The following ST8SIA5 variants were observed in gnomAD, a reference collection of about 807,000 sequenced individuals.
ST8SIA5 encodes the protein alpha-2,8-sialyltransferase 8E.
ST8SIA5 carries 24 observed loss-of-function variants against 40.2 expected under a neutral mutation model. That is an observed-to-expected ratio of 0.60 (90% CI 0.43 to 0.84). ST8SIA5 has a LOEUF of 0.84. Ranked by LOEUF, ST8SIA5 falls within the 40% of genes least tolerant of loss-of-function variation. The probability of loss-of-function intolerance (pLI) is 0.00; values close to 1 mark genes in which losing one functional copy is unlikely to be tolerated. For missense variants in ST8SIA5, 465 were observed against 498.5 expected (o/e 0.93, Z 0.64); for synonymous variants, 198 against 201.8 (o/e 0.98, Z 0.16).
rs550416709 is a variant in ST8SIA5 at position 46,686,081 on chromosome 18, C to T, written c.569+93G>A. 13 of 1,230,592 alleles carry T rather than the reference C, an allele frequency of 1.1e-5. 1 individual carries two copies. In the East Asian group the frequency reaches 1.4e-4, roughly 13 times the overall value. The allele number at this position is 1,230,592 out of a possible 1,614,324, so 76.2% of individuals were successfully genotyped here. Reference sequence around the variant, plus strand: ...CTGCAGGGGTGGGAAGTGGGGATTACTTGCTTAAAGGGTAGCATTAGGGAA... The same window carrying T: ...CTGCAGGGGTGGGAAGTGGGGATTATTTGCTTAAAGGGTAGCATTAGGGAA... On this transcript the variant is annotated intron_variant, in intron 5 of 6. Transcript: ENST00000315087.
intron 1 of ST8SIA5, among the ~76,000 whole-genome samples, chr18:46,713,112 G>C (rs1330296405): frequency 6.6e-6 from 1 of 152,192 alleles, no homozygotes; most frequent in African/African-American, 2.4e-5. Flanking sequence ...GGAACAACGT[G>C]ATCTGATGTG....
At chr18:46,690,164 A>G (rs1231355765) in intron 3 of ST8SIA5, among the ~76,000 whole-genome samples, 2 of 152,166 alleles carry the variant, frequency 1.3e-5, no homozygotes, top group African/African-American at 4.8e-5. Context: ...CACACTAACC[A>G]AGCTCATAAG....
In ST8SIA5 at chr18:46,676,782, T is replaced by C. The variant is rs1356886189; in HGVS notation, c.*3260A>G. 2 of 152,290 alleles carry C rather than the reference T, an allele frequency of 1.3e-5. No individual in the cohort carries two copies. Among genetic ancestry groups the C allele is most frequent in the Non-Finnish European group, 2.9e-5 (2 of 68,066 alleles). The allele number at this position is 152,290 out of a possible 1,614,324, so 9.4% of individuals were successfully genotyped here. On this transcript the variant is annotated 3_prime_UTR_variant, in exon 7 of 7. Transcript: ENST00000315087. ...TAATAATTCAATGGGTAGTCTGCAC[T>C]GCATGGTGGCGTGGTGACAGGGCTG...
chr18:46,706,713 T>C (rs2039673734), intron 1 of ST8SIA5, among the ~76,000 whole-genome samples: 1 of 152,130 alleles, frequency 6.6e-6, no homozygotes, highest in Non-Finnish European at 1.5e-5. Context: ...CTGGATGCAA[T>C]TTAGGTTCAG....
At chr18:46,721,197 C>T (rs900336633) in intron 1 of ST8SIA5, among the ~76,000 whole-genome samples, 1 of 152,142 alleles carries the variant, frequency 6.6e-6, no homozygotes, top group African/African-American at 2.4e-5. Flanking sequence ...ATTCATTCAC[C>T]TTCAAGTTAA....
intron 1 of ST8SIA5, among the ~76,000 whole-genome samples, chr18:46,715,957 T>C (rs558337699): frequency 6.6e-6 from 1 of 152,014 alleles, no homozygotes; most frequent in East Asian, 1.9e-4. Context: ...AGGGCAGAAA[T>C]AGAAGACCTG....
At chr18:46,706,199 C>A (rs1208294203) in intron 1 of ST8SIA5, among the ~76,000 whole-genome samples, 3 of 152,008 alleles carry the variant, frequency 2.0e-5, no homozygotes, top group African/African-American at 7.2e-5. Context: ...ATATTTTCCA[C>A]AACAAATTGG....
intron 1 of ST8SIA5, chr18:46,730,508 T>C (rs2039975449): frequency 6.5e-6 from 1 of 152,738 alleles, no homozygotes; most frequent in Non-Finnish European, 1.5e-5. Context: ...TCCTTTCCAT[T>C]TGTACACACT....
At chr18:46,682,232 C>T (rs1271874142) in intron 5 of ST8SIA5, among the ~76,000 whole-genome samples, 168 bp from the exon 6 acceptor site, 2 of 152,250 alleles carry the variant, frequency 1.3e-5, no homozygotes, top group Admixed American at 6.5e-5. Context: ...CCTTCTGCTC[C>T]TTATCAGGCA....
At chr18:46,747,351 A>G (rs1287451894) in intron 1 of ST8SIA5, among the ~76,000 whole-genome samples, 5 of 152,248 alleles carry the variant, frequency 3.3e-5, no homozygotes. Context: ...CAGAATCTAC[A>G]AAGAATTTAA....
At chr18:46,707,414 T>G (rs1174810378) in intron 1 of ST8SIA5, among the ~76,000 whole-genome samples, 1 of 152,202 alleles carries the variant, frequency 6.6e-6, no homozygotes, top group African/African-American at 2.4e-5. Context: ...CTGTTTGAAC[T>G]AGGGTAGTAC....
chr18:46,723,515 G>T (rs2039883972), intron 1 of ST8SIA5, among the ~76,000 whole-genome samples: 1 of 152,138 alleles, frequency 6.6e-6, no homozygotes, highest in African/African-American at 2.4e-5. Flanking sequence ...TCACACTACT[G>T]CACTCTAGCC....
intron 2 of ST8SIA5, among the ~76,000 whole-genome samples, chr18:46,697,148 T>C (rs1166459730): frequency 7.1e-6 from 1 of 141,598 alleles, no homozygotes; most frequent in African/African-American, 2.6e-5. Context: ...AAAAAAGGTA[T>C]CATTTACAGT....
chr18:46,748,027 C>G (rs2144569588), intron 1 of ST8SIA5, among the ~76,000 whole-genome samples: 1 of 151,522 alleles, frequency 6.6e-6, no homozygotes, highest in East Asian at 1.9e-4. Flanking sequence ...ACAATGAGAA[C>G]ACTTGGACAC....
At chr18:46,716,129 T>TAGATAGATAGAC (rs1568266051) in intron 1 of ST8SIA5, among the ~76,000 whole-genome samples, 1 of 150,292 alleles carries the variant, frequency 6.7e-6, no homozygotes, top group Non-Finnish European at 1.5e-5. Flanking sequence ...GATAGATAGA[T>TAGATAGATAGAC]AGATAGATAT....
intron 2 of ST8SIA5, among the ~76,000 whole-genome samples, chr18:46,692,817 G>A (rs1305826981): frequency 6.6e-6 from 1 of 151,846 alleles, no homozygotes; most frequent in Non-Finnish European, 1.5e-5. Context: ...CAACCAATCA[G>A]AGCCCACACC....
At chr18:46,746,705 T>C (rs2040144059) in intron 1 of ST8SIA5, among the ~76,000 whole-genome samples, 1 of 151,904 alleles carries the variant, frequency 6.6e-6, no homozygotes, top group Non-Finnish European at 1.5e-5. Context: ...CGTCACAGAA[T>C]TGGAAAAAAC....
At chr18:46,722,898 C>CT (rs1317760923) in intron 1 of ST8SIA5, 3 of 152,226 alleles carry the variant, frequency 2.0e-5, no homozygotes, top group Non-Finnish European at 2.9e-5. Context: ...GTGAAGAAAA[C>CT]TTTAACAGTC....
intron 1 of ST8SIA5, among the ~76,000 whole-genome samples, chr18:46,745,325 C>A (rs1347963915): frequency 2.7e-5 from 4 of 150,694 alleles, no homozygotes. Flanking sequence ...CTAGCAAAAC[C>A]AATAAAGAAA....
Sources: allele counts gnomAD v4.1 joint callset (sites outside exome capture counted in the v4.1 genomes callset), GRCh38; gene constraint gnomAD v4.1.1; transcripts MANE v1.5; gene names NCBI Gene and HGNC (gene_info 2026-07-23, HGNC 2026-07-21).